Variants in CCSER2 observed in about 807,000 individuals in gnomAD.
The protein encoded by CCSER2 is coiled-coil serine rich protein 2.
In CCSER2, 46 loss-of-function variants were observed where a neutral mutation model predicts 92.3. The ratio of observed to expected loss-of-function variants is 0.50; its 90% CI spans 0.39 to 0.64. The LOEUF (loss-of-function observed/expected upper bound fraction) is 0.64. CCSER2 is among the 30% of genes least tolerant of loss of function. The pLI is 0.00. For missense variants in CCSER2, 1,244 were observed against 1,238.9 expected (o/e 1.00, Z -0.06); for synonymous variants, 433 against 431.4 (o/e 1.00, Z -0.04).
chr10:84,513,958 C>A lies in CCSER2; in HGVS notation c.2835C>A (p.Pro945=). The A allele has an allele frequency of 6.5e-7, 1 of 1,536,550 alleles. No individual in the cohort carries two copies. ...CTGAATCATCTCCAAGTAGGACTCC[C>A]ACTTGTAAAAAGTCACCAATAATCA... ...PVSESSPSRT[P]TCKKSPIITT... Residue 945 remains proline, a synonymous_variant, in exon 10 of 10, where the codon CCC becomes CCA. Transcript: ENST00000372088.
chr10:84,437,710 GTTTTTT>G (rs769780704), intron 5 of CCSER2, among the ~76,000 whole-genome samples: 1 of 126,804 alleles, frequency 7.9e-6, no homozygotes. Context: ...TTTTAGAGTA[GTTTTTT>G]TTTTTTTTTT....
chr10:84,418,116 G>T (rs1268135596), intron 4 of CCSER2, among the ~76,000 whole-genome samples: 1 of 152,140 alleles, frequency 6.6e-6, no homozygotes, highest in Non-Finnish European at 1.5e-5. Flanking sequence ...GATAAGAGTT[G>T]TCTTTTTTTC....
rs781619751 is a variant in CCSER2 at position 84,513,697 on chromosome 10, A to G, written c.2574A>G (p.Glu858=). The G allele has an allele frequency of 1.3e-5, 20 of 1,542,060 alleles. No individual in the cohort carries two copies. The African/African-American group carries it at 2.7e-4, about 21-fold the overall frequency. The change falls in exon 10 of 10, where the codon GAA becomes GAG. Residue 858 remains glutamate, a synonymous_variant. Transcript: ENST00000372088. ...ATGTGGCTAAGAGTACACCTTCTGA[A>G]GCAAACTTAAACATTACTGTAAATG... ...TMDVAKSTPS[E]ANLNITVNAQ...
chr10:84,341,177 G>A (rs1003842102), intron 1 of CCSER2, among the ~76,000 whole-genome samples: 1 of 150,936 alleles, frequency 6.6e-6, no homozygotes, highest in African/African-American at 2.4e-5. Flanking sequence ...GACTACAAGC[G>A]TGTGCCACCA....
chr10:84,362,984 C>T (rs910638032), intron 1 of CCSER2, among the ~76,000 whole-genome samples: 2 of 151,160 alleles, frequency 1.3e-5, no homozygotes, highest in Non-Finnish European at 3.0e-5. Context: ...TTACAGGTGC[C>T]TGCCACCACG....
intron 6 of CCSER2, among the ~76,000 whole-genome samples, chr10:84,449,102 C>T (rs1280803803): frequency 3.3e-5 from 5 of 152,176 alleles, no homozygotes; most frequent in East Asian, 1.9e-4. Context: ...AGGCCAGGCG[C>T]GGTGGCCCAT....
intron 6 of CCSER2, among the ~76,000 whole-genome samples, chr10:84,463,513 G>A (rs1476163908): frequency 4.6e-5 from 7 of 152,120 alleles, no homozygotes; most frequent in Non-Finnish European, 7.4e-5. Context: ...TTGCTGCTAA[G>A]CCTTACTGGG....
At chr10:84,395,171 C>A (rs997751017) in intron 3 of CCSER2, among the ~76,000 whole-genome samples, 4 of 150,370 alleles carry the variant, frequency 2.7e-5, no homozygotes, top group African/African-American at 9.8e-5. Flanking sequence ...CTGCAATGAG[C>A]CATGATTGCG....
chr10:84,460,524 T>G (rs1846048032), intron 6 of CCSER2, among the ~76,000 whole-genome samples: 1 of 152,128 alleles, frequency 6.6e-6, no homozygotes, highest in Admixed American at 6.5e-5. Flanking sequence ...AATTTGATTT[T>G]TCTCTAAGTG....
chr10:84,513,334 C>G, intron 9 of CCSER2, 115 bp from the exon 10 acceptor site: 1 of 770,940 alleles, frequency 1.3e-6, no homozygotes, highest in Non-Finnish European at 2.1e-6. Context: ...AGAAACTCCA[C>G]ATATTTTCCA....
At chr10:84,359,627 T>C (rs1845391847) in intron 1 of CCSER2, among the ~76,000 whole-genome samples, 2 of 152,134 alleles carry the variant, frequency 1.3e-5, no homozygotes, top group Admixed American at 6.5e-5. Flanking sequence ...CTTTGTCTTT[T>C]GTAGGAGGAG....
At chr10:84,419,367 A>AATAAAATAAAAATAAG (rs1298323185) in intron 4 of CCSER2, among the ~76,000 whole-genome samples, 2 of 151,796 alleles carry the variant, frequency 1.3e-5, no homozygotes, top group African/African-American at 4.8e-5. Context: ...AAAAAAAAAA[A>AATAAAATAAAAATAAG]ATAAAATAAA....
intron 1 of CCSER2, among the ~76,000 whole-genome samples, chr10:84,334,469 C>G (rs1465820964): frequency 1.3e-5 from 2 of 152,038 alleles, no homozygotes; most frequent in Non-Finnish European, 2.9e-5. Context: ...TTGGAATGTC[C>G]TAGAGTTACT....
At chr10:84,351,757 TTAAG>T (rs1329783313) in intron 1 of CCSER2, among the ~76,000 whole-genome samples, 10 of 152,298 alleles carry the variant, frequency 6.6e-5, no homozygotes, top group African/African-American at 2.2e-4. Context: ...CCAACTAGAA[TTAAG>T]TGAGATTTCA....
intron 3 of CCSER2, among the ~76,000 whole-genome samples, chr10:84,376,653 A>G (rs986387596): frequency 2.0e-5 from 3 of 152,008 alleles, no homozygotes; most frequent in Non-Finnish European, 2.9e-5. Context: ...ATGATTGTGA[A>G]GATTTTGATA....
At chr10:84,458,628 A>G (rs867370831) in intron 6 of CCSER2, among the ~76,000 whole-genome samples, 2 of 152,208 alleles carry the variant, frequency 1.3e-5, no homozygotes, top group Middle Eastern at 3.2e-3. Context: ...AAGAGAATTG[A>G]TATCTCAACA....
intron 3 of CCSER2, among the ~76,000 whole-genome samples, chr10:84,385,227 T>A (rs1175757169): frequency 2.6e-5 from 4 of 152,036 alleles, no homozygotes; most frequent in African/African-American, 7.2e-5. Flanking sequence ...ATTACCAACA[T>A]CACTTTTCAC....
intron 6 of CCSER2, chr10:84,452,396 A>G (rs1321975380): frequency 1.3e-5 from 2 of 152,216 alleles, no homozygotes; most frequent in South Asian, 2.1e-4. Flanking sequence ...TGATGTGTCA[A>G]AAAAGAAGAG....
chr10:84,392,721 G>A (rs1841595613), intron 3 of CCSER2, among the ~76,000 whole-genome samples: 1 of 152,128 alleles, frequency 6.6e-6, no homozygotes, highest in South Asian at 2.1e-4. Flanking sequence ...GAAGCACCCT[G>A]TGAAATGCCA....
Sources: gnomAD v4.1 joint callset for allele counts (sites outside exome capture counted in the v4.1 genomes callset) on GRCh38, gnomAD v4.1.1 for gene constraint, MANE v1.5 for transcripts, NCBI Gene and HGNC (gene_info 2026-07-23, HGNC 2026-07-21) for gene names.